The following DGKB variants were observed in gnomAD, a reference collection of about 807,000 sequenced individuals.
DGKB encodes the protein 90 kDa diacylglycerol kinase.
In DGKB, 67 loss-of-function variants were observed where a neutral mutation model predicts 114.3. The observed-to-expected ratio is 0.59, with a 90% CI of 0.48 to 0.72. The LOEUF is 0.72. DGKB is among the 30% of genes least tolerant of loss of function. The probability of loss-of-function intolerance (pLI) is 0.00; values close to 1 mark genes in which losing one functional copy is unlikely to be tolerated. For missense variants in DGKB, 907 were observed against 975.2 expected (o/e 0.93, Z 0.93); for synonymous variants, 398 against 323.1 (o/e 1.23, Z -2.49).
chr7:14,768,573 G>A lies in DGKB; in HGVS notation c.71-10842C>T, dbSNP rs574171519. Among the ~76,000 whole-genome samples, 75 of 146,944 alleles carry A rather than the reference G, an allele frequency of 5.1e-4. 1 individual carries two copies. The highest frequency in any genetic ancestry group is 4.8e-3 in the South Asian group (23 of 4,782). ...TTCCCCAATGGTATCAGTACCTCCA[G>A]TGATATTTGCACTGGTGTTATAATT... On this transcript the variant is annotated intron_variant, in intron 2 of 25. Coordinates refer to ENST00000402815, the MANE Select transcript of DGKB (RefSeq NM_001350709.2).
chr7:14,359,269 A>G (rs1451539484), intron 21 of DGKB, among the ~76,000 whole-genome samples: 1 of 152,164 alleles, frequency 6.6e-6, no homozygotes, highest in Non-Finnish European at 1.5e-5. Flanking sequence ...AGCCATATGG[A>G]GAAAGCGGAA....
At chr7:14,798,634 G>C (rs547931615) in intron 2 of DGKB, among the ~76,000 whole-genome samples, 1 of 152,278 alleles carries the variant, frequency 6.6e-6, no homozygotes, top group East Asian at 1.9e-4. Context: ...TTTGGGGACT[G>C]CTGGACACTG....
At chr7:14,882,511 C>G (rs750037263) in intron 1 of DGKB, among the ~76,000 whole-genome samples, 3 of 151,962 alleles carry the variant, frequency 2.0e-5, no homozygotes, top group Non-Finnish European at 2.9e-5. Flanking sequence ...GTGTAGTGGT[C>G]AAGTCAGAGC....
At chr7:14,908,273 T>C (rs1341030865), upstream of DGKB, among the ~76,000 whole-genome samples, 1 of 152,204 alleles carries the variant, frequency 6.6e-6, no homozygotes, top group Non-Finnish European at 1.5e-5. Context: ...ATACCCACTC[T>C]AACCCTTGAG....
intron 21 of DGKB, among the ~76,000 whole-genome samples, chr7:14,473,637 A>G (rs1029517971): frequency 2.6e-5 from 4 of 151,990 alleles, no homozygotes; most frequent in Admixed American, 6.6e-5. Context: ...AGCCCCAGAC[A>G]CTCAATGCCA....
chr7:14,675,886 A>G (rs765037473), intron 12 of DGKB, among the ~76,000 whole-genome samples: 1 of 152,090 alleles, frequency 6.6e-6, no homozygotes, highest in Non-Finnish European at 1.5e-5. Flanking sequence ...TTTGTAGCCA[A>G]GAGTGTTAAA....
At chr7:14,425,706 A>G (rs1827411030) in intron 21 of DGKB, among the ~76,000 whole-genome samples, 1 of 152,148 alleles carries the variant, frequency 6.6e-6, no homozygotes, top group Admixed American at 6.6e-5. Flanking sequence ...TAACAGCAGG[A>G]GAGAGAAGAC....
intron 16 of DGKB, among the ~76,000 whole-genome samples, chr7:14,611,941 A>G (rs925092065): frequency 6.6e-5 from 10 of 151,674 alleles, no homozygotes; most frequent in African/African-American, 1.7e-4. Context: ...TTGTTAAACT[A>G]TCAATAACAT....
intron 12 of DGKB, among the ~76,000 whole-genome samples, chr7:14,677,252 C>A (rs1820029174): frequency 6.6e-6 from 1 of 151,546 alleles, no homozygotes; most frequent in African/African-American, 2.4e-5. Flanking sequence ...TCTGAGAAGT[C>A]AAAAGGAGGA....
intron 21 of DGKB, among the ~76,000 whole-genome samples, chr7:14,436,512 A>G (rs1255507596): frequency 6.6e-6 from 1 of 152,018 alleles, no homozygotes; most frequent in Non-Finnish European, 1.5e-5. Context: ...TTATTTTGGT[A>G]TGCTGTCCAC....
chr7:14,614,894 C>A (rs1434576449), intron 15 of DGKB, among the ~76,000 whole-genome samples: 1 of 152,030 alleles, frequency 6.6e-6, no homozygotes, highest in Non-Finnish European at 1.5e-5. Flanking sequence ...CACTAACTTC[C>A]CAGGTCTCCC....
At chr7:14,755,526 A>C (rs181969669) in intron 3 of DGKB, among the ~76,000 whole-genome samples, 9 of 152,282 alleles carry the variant, frequency 5.9e-5, no homozygotes, top group Admixed American at 5.9e-4. Context: ...ATAATTCAGC[A>C]TCATTAACTA....
Position 14,171,610 on chromosome 7 carries a change from G to GAATT in DGKB, c.2304+5225_2304+5228dup, listed in dbSNP as rs1339712632. On this transcript the variant is annotated intron_variant, in intron 25 of 25. Transcript: ENST00000402815. Reference sequence around the variant, plus strand: ...GATTAAATCTTTTGAGATTGAGAAAGAATTTCTTCTCTGATACATTCAAAT... The same window carrying GAATT: ...GATTAAATCTTTTGAGATTGAGAAAGAATTAATTTCTTCTCTGATACATTCAAAT... Among the ~76,000 whole-genome samples, 3 of 152,072 alleles carry GAATT rather than the reference G, an allele frequency of 2.0e-5. No individual in the cohort carries two copies. In the East Asian group the frequency reaches 5.8e-4, roughly 29 times the overall value.
At chr7:14,787,022 G>T (rs530275127) in intron 2 of DGKB, among the ~76,000 whole-genome samples, 2 of 152,304 alleles carry the variant, frequency 1.3e-5, no homozygotes, top group East Asian at 1.9e-4. Context: ...TTAGCTGAGA[G>T]TTGAGCAGAT....
At chr7:14,280,928 G>A (rs917780980) in intron 23 of DGKB, among the ~76,000 whole-genome samples, 15 of 151,680 alleles carry the variant, frequency 9.9e-5, no homozygotes, top group Admixed American at 2.0e-4. Flanking sequence ...AAAGACCATC[G>A]AGACTAGGAA....
chr7:14,791,031 A>C (rs1308021427), intron 2 of DGKB, among the ~76,000 whole-genome samples: 1 of 152,070 alleles, frequency 6.6e-6, no homozygotes, highest in African/African-American at 2.4e-5. Flanking sequence ...GGGTCTCACT[A>C]TGTTGCCCAA....
intron 17 of DGKB, among the ~76,000 whole-genome samples, chr7:14,584,040 A>G (rs1800345747): frequency 6.6e-6 from 1 of 152,210 alleles, no homozygotes; most frequent in Non-Finnish European, 1.5e-5. Flanking sequence ...TTTATTACAC[A>G]CATATTTTCA....
chr7:14,357,420 C>T (rs1378654486), intron 21 of DGKB, among the ~76,000 whole-genome samples: 2 of 152,088 alleles, frequency 1.3e-5, no homozygotes, highest in East Asian at 3.9e-4. Context: ...GATTGCAACC[C>T]CTGCTTTACT....
In DGKB at chr7:14,522,055, G is replaced by A. The variant is rs115551205; in HGVS notation, c.1771-43830C>T. Among the ~76,000 whole-genome samples, 553 of 152,162 alleles carry A rather than the reference G, an allele frequency of 3.6e-3. 1 individual carries two copies. Among genetic ancestry groups the A allele is most frequent in the African/African-American group, 0.012 (518 of 41,500 alleles). On this transcript the variant is annotated intron_variant, in intron 20 of 25. Coordinates refer to ENST00000402815, the MANE Select transcript of DGKB (RefSeq NM_001350709.2). ...TTTAAGCTTTGCGTCCTAAGGGTGT[G>A]GTAGTGTGTTGCTGTTACACATAGC...
Sources: gnomAD v4.1 joint callset for allele counts (sites outside exome capture counted in the v4.1 genomes callset) on GRCh38, gnomAD v4.1.1 for gene constraint, MANE v1.5 for transcripts, NCBI Gene and HGNC (gene_info 2026-07-23, HGNC 2026-07-21) for gene names.